The following SHISA6 variants were observed in gnomAD, a reference collection of about 807,000 sequenced individuals.
SHISA6 encodes the protein shisa family member 6.
In SHISA6, 22 loss-of-function variants were observed where a neutral mutation model predicts 47.9. That is an observed-to-expected ratio of 0.46 (90% CI 0.33 to 0.66). The LOEUF is 0.66. Among genes scored for constraint, SHISA6 ranks in the 30% least tolerant of loss-of-function variants. The pLI is 0.02. For synonymous variants in SHISA6, 388 were observed against 337.8 expected (o/e 1.15, Z -1.63); for missense variants, 680 against 764.6 (o/e 0.89, Z 1.30).
chr17:11,424,396 T>G (rs1288485501), intron 3 of SHISA6, among the ~76,000 whole-genome samples: 1 of 152,134 alleles, frequency 6.6e-6, no homozygotes, highest in African/African-American at 2.4e-5. Flanking sequence ...CCAGCTAAAC[T>G]ATCATTCATG....
intron 3 of SHISA6, among the ~76,000 whole-genome samples, chr17:11,540,066 T>C (rs1005606029): frequency 6.6e-6 from 1 of 152,128 alleles, no homozygotes; most frequent in African/African-American, 2.4e-5. Context: ...TCAACACATA[T>C]CTTCCCACAC....
chr17:11,374,164 T>C (rs184999244), intron 2 of SHISA6, among the ~76,000 whole-genome samples: 1 of 152,338 alleles, frequency 6.6e-6, no homozygotes, highest in East Asian at 1.9e-4. Context: ...CACTACTTTA[T>C]GTGTATTTGC....
At chr17:11,328,073 G>C (rs1201142394) in intron 2 of SHISA6, among the ~76,000 whole-genome samples, 1 of 152,070 alleles carries the variant, frequency 6.6e-6, no homozygotes, top group Non-Finnish European at 1.5e-5. Context: ...GCAATTACTA[G>C]TTGTGGAACC....
chr17:11,483,185 C>T (rs903812965), intron 3 of SHISA6, among the ~76,000 whole-genome samples: 19 of 151,918 alleles, frequency 1.3e-4, no homozygotes, highest in African/African-American at 4.6e-4. Flanking sequence ...CCTGTAATCC[C>T]AGCTACTCGG....
At chr17:11,351,260 TAACA>T (rs1911880986) in intron 2 of SHISA6, among the ~76,000 whole-genome samples, 1 of 152,102 alleles carries the variant, frequency 6.6e-6, no homozygotes, top group South Asian at 2.1e-4. Context: ...TATACCTGTG[TAACA>T]AACCTGCACA....
At chr17:11,492,728 T>C (rs951532426) in intron 3 of SHISA6, among the ~76,000 whole-genome samples, 1 of 152,170 alleles carries the variant, frequency 6.6e-6, no homozygotes, top group African/African-American at 2.4e-5. Flanking sequence ...ACCTCCTCCC[T>C]GAAGCCCAGT....
Position 11,333,960 on chromosome 17 carries a change from A to C in SHISA6, c.800-45454A>C, listed in dbSNP as rs553503162. Among the ~76,000 whole-genome samples, 3 of 152,310 alleles carry C rather than the reference A, an allele frequency of 2.0e-5. No homozygotes were observed. The East Asian group carries it at 5.8e-4, about 29-fold the overall frequency. ...TACCACCATCCAGAGAGGGCACAGA[A>C]GCTCCGTGCTCCCCACTCTCCATAC... is the stretch of plus-strand genomic sequence containing the variant. On this transcript the variant is annotated intron_variant, in intron 2 of 5. Transcript: ENST00000441885.
chr17:11,485,113 T>C (rs1423698073), intron 3 of SHISA6, among the ~76,000 whole-genome samples: 2 of 152,194 alleles, frequency 1.3e-5, no homozygotes, highest in African/African-American at 2.4e-5. Flanking sequence ...AAAAGTACAA[T>C]CATTGGAAAA....
intron 4 of SHISA6, among the ~76,000 whole-genome samples, chr17:11,553,038 A>G (rs920506108): frequency 6.6e-6 from 1 of 152,222 alleles, no homozygotes; most frequent in African/African-American, 2.4e-5. Context: ...CTGATTAGAA[A>G]AATGAAGGGT....
intron 2 of SHISA6, among the ~76,000 whole-genome samples, chr17:11,318,190 G>A (rs554265199): frequency 7.2e-5 from 11 of 152,220 alleles, no homozygotes; most frequent in South Asian, 6.2e-4. Context: ...CAAATTATCT[G>A]AACTTCAACA....
At chr17:11,366,727 G>C (rs1191183111) in intron 2 of SHISA6, among the ~76,000 whole-genome samples, 1 of 152,116 alleles carries the variant, frequency 6.6e-6, no homozygotes, top group Admixed American at 6.5e-5. Flanking sequence ...GCTGATGATA[G>C]GGAGGAGAAG....
chr17:11,281,186 G>A (rs76899956), intron 2 of SHISA6, among the ~76,000 whole-genome samples: 10,272 of 152,104 alleles, frequency 0.068, 447 homozygotes, highest in Non-Finnish European at 0.096. Context: ...CAGCAAGGAT[G>A]TATATAATAT....
chr17:11,461,012 G>A (rs1386193064), intron 3 of SHISA6, among the ~76,000 whole-genome samples: 2 of 152,138 alleles, frequency 1.3e-5, no homozygotes, highest in Admixed American at 1.3e-4. Context: ...TTATCTACTA[G>A]TTTCTGTCTT....
intron 2 of SHISA6, among the ~76,000 whole-genome samples, chr17:11,294,323 A>G (rs966663186): frequency 6.6e-6 from 1 of 152,112 alleles, no homozygotes; most frequent in Admixed American, 6.5e-5. Context: ...ACTGGCTCTC[A>G]CTTCAGCCTT....
At chr17:11,499,633 T>A (rs2071434411) in intron 3 of SHISA6, among the ~76,000 whole-genome samples, 2 of 152,188 alleles carry the variant, frequency 1.3e-5, no homozygotes, top group Non-Finnish European at 2.9e-5. Flanking sequence ...TAGTCCCTCT[T>A]TTTTGTTTTT....
At chr17:11,296,297 T>C (rs1180501001) in intron 2 of SHISA6, among the ~76,000 whole-genome samples, 1 of 152,106 alleles carries the variant, frequency 6.6e-6, no homozygotes, top group Non-Finnish European at 1.5e-5. Flanking sequence ...TAAAGGAGAC[T>C]AGTTAAGATT....
chr17:11,390,939 C>T (rs1597489710), intron 3 of SHISA6, among the ~76,000 whole-genome samples: 1 of 152,128 alleles, frequency 6.6e-6, no homozygotes. Flanking sequence ...ATGGGAAGTG[C>T]CATGAAGTAG....
intron 3 of SHISA6, among the ~76,000 whole-genome samples, chr17:11,493,773 G>T (rs756375418): frequency 2.6e-5 from 4 of 152,196 alleles, no homozygotes; most frequent in Non-Finnish European, 5.9e-5. Context: ...AGCTGACAAG[G>T]GTAGGGGTCT....
chr17:11,277,356 A>G (rs1019440206), intron 2 of SHISA6, among the ~76,000 whole-genome samples: 1 of 150,824 alleles, frequency 6.6e-6, no homozygotes, highest in Non-Finnish European at 1.5e-5. Flanking sequence ...TCTCCCAGAG[A>G]TCTAGACCTG....
Sources: gnomAD v4.1 joint callset for allele counts (sites outside exome capture counted in the v4.1 genomes callset) on GRCh38, gnomAD v4.1.1 for gene constraint, MANE v1.5 for transcripts, NCBI Gene and HGNC (gene_info 2026-07-23, HGNC 2026-07-21) for gene names.